The following AKT3 variants were observed in gnomAD, a reference collection of about 807,000 sequenced individuals.
AKT3 encodes RAC-gamma serine/threonine-protein kinase.
In AKT3, 15 loss-of-function variants were observed where a neutral mutation model predicts 65.3. The observed-to-expected ratio is 0.23, with a 90% CI of 0.15 to 0.35. AKT3 has a LOEUF of 0.35. AKT3 is among the 10% of genes least tolerant of loss of function. The pLI is 1.00. For synonymous variants in AKT3, 206 were observed against 183.8 expected (o/e 1.12, Z -0.98); for missense variants, 243 against 576.5 (o/e 0.42, Z 5.92).
At position 243,552,839 on chromosome 1, in the gene AKT3, A is replaced by G; in HGVS notation, c.1053T>C (p.His351=). 1 of 1,614,020 alleles carries G rather than the reference A, an allele frequency of 6.2e-7. No individual in the cohort carries two copies. Among genetic ancestry groups the G allele is most frequent in the Non-Finnish European group, 8.5e-7 (1 of 1,179,942 alleles). Residue 351 remains histidine, a synonymous_variant, in exon 11 of 14, where the codon CAT becomes CAC. Coordinates refer to ENST00000673466, the MANE Select transcript of AKT3 (RefSeq NM_005465.7). ...CGRLPFYNQD[H]EKLFELILME... ...TTAATATTAATTCAAAAAGTTTCTC[A>G]TGGTCCTGGTTGTAGAAAGGTAACC...
chr1:243,743,229 T>G (rs1033207763), intron 2 of AKT3, among the ~76,000 whole-genome samples: 4 of 152,234 alleles, frequency 2.6e-5, no homozygotes, highest in Non-Finnish European at 4.4e-5. Context: ...AACCTAAAAT[T>G]AGGCAGATCA....
intron 2 of AKT3, among the ~76,000 whole-genome samples, chr1:243,805,342 A>C (rs1355315999): frequency 2.0e-5 from 3 of 151,918 alleles, no homozygotes; most frequent in Non-Finnish European, 4.4e-5. Context: ...ACTCCATCTT[A>C]TTCTTTCTCT....
intron 2 of AKT3, among the ~76,000 whole-genome samples, chr1:243,725,770 G>C (rs756075965): frequency 3.3e-5 from 5 of 152,062 alleles, no homozygotes; most frequent in Non-Finnish European, 7.4e-5. Flanking sequence ...GTGGTAACTG[G>C]CTTATATAAT....
chr1:243,605,197 CT>C (rs540680901), intron 8 of AKT3, among the ~76,000 whole-genome samples: 335 of 144,170 alleles, frequency 2.3e-3, no homozygotes, highest in Non-Finnish European at 2.6e-3. Flanking sequence ...ACATGGCTAA[CT>C]TTTTTTTTTT....
At chr1:243,678,004 C>T (rs1558710134) in intron 3 of AKT3, among the ~76,000 whole-genome samples, 1 of 152,036 alleles carries the variant, frequency 6.6e-6, no homozygotes, top group Non-Finnish European at 1.5e-5. Context: ...AGGAGAATTG[C>T]TTGAATCTGG....
chr1:243,581,200 G>T (rs1031231462), intron 8 of AKT3, among the ~76,000 whole-genome samples: 17 of 152,218 alleles, frequency 1.1e-4, no homozygotes, highest in African/African-American at 3.9e-4. Context: ...CAGGGGACCT[G>T]TAGGTGGACC....
At chr1:243,699,299 A>C (rs1444272736) in intron 2 of AKT3, among the ~76,000 whole-genome samples, 2 of 151,688 alleles carry the variant, frequency 1.3e-5, no homozygotes, top group African/African-American at 4.9e-5. Flanking sequence ...GTTAAAATGG[A>C]AAGTCTTGTC....
At chr1:243,568,608 A>G (rs932223399) in intron 9 of AKT3, among the ~76,000 whole-genome samples, 5 of 152,254 alleles carry the variant, frequency 3.3e-5, no homozygotes, top group Middle Eastern at 3.2e-3. Context: ...CTTAGTGGGC[A>G]CAAAATTGTA....
At chr1:243,547,263 T>A (rs1355913410) in intron 11 of AKT3, among the ~76,000 whole-genome samples, 1 of 152,174 alleles carries the variant, frequency 6.6e-6, no homozygotes, top group South Asian at 2.1e-4. Flanking sequence ...ACAGCAGACA[T>A]AACTAATCTC....
intron 2 of AKT3, among the ~76,000 whole-genome samples, chr1:243,787,644 T>C (rs186314440): frequency 2.0e-5 from 3 of 152,328 alleles, no homozygotes; most frequent in Admixed American, 2.0e-4. Flanking sequence ...TTGTTTCTCA[T>C]TTCTTTAGTT....
rs2148466160 is a variant in AKT3 at position 243,552,863 on chromosome 1, C to T, written c.1029G>A (p.Arg343=). 6.2e-7 allele frequency: 1 copy of T among 1,613,988 alleles called. No homozygotes were observed. The highest frequency in any genetic ancestry group is 2.2e-5 in the East Asian group (1 of 44,862). Residue 343 remains arginine, a synonymous_variant, in exon 11 of 14, where the codon AGG becomes AGA. Transcript: ENST00000673466. ...CATGGTCCTGGTTGTAGAAAGGTAACCTCCCACACATCATTTCATACATGA... is the reference window on the plus strand; with the variant it reads ...CATGGTCCTGGTTGTAGAAAGGTAATCTCCCACACATCATTTCATACATGA... ...GVVMYEMMCG[R]LPFYNQDHEK... is the part of the protein sequence containing the mutation.
At chr1:243,771,712 TA>T (rs1188106169) in intron 2 of AKT3, among the ~76,000 whole-genome samples, 1 of 152,088 alleles carries the variant, frequency 6.6e-6, no homozygotes, top group Non-Finnish European at 1.5e-5. Flanking sequence ...CAAGTAAGAC[TA>T]ATCAATGACA....
At chr1:243,760,463 A>G (rs1689420190) in intron 2 of AKT3, among the ~76,000 whole-genome samples, 2 of 151,902 alleles carry the variant, frequency 1.3e-5, no homozygotes, top group Non-Finnish European at 2.9e-5. Context: ...TTCAAATACT[A>G]TGCCCAGCTA....
intron 2 of AKT3, among the ~76,000 whole-genome samples, chr1:243,797,025 T>A (rs566976559): frequency 1.3e-5 from 2 of 152,162 alleles, no homozygotes; most frequent in Admixed American, 1.3e-4. Context: ...TTTCACAACA[T>A]GAAAAAAGTT....
chr1:243,702,578 G>A lies in AKT3; in HGVS notation c.47-6862C>T, dbSNP rs59407204. ...TGATACTAATACTAATACCACTTATGATAATATAATTTATAATCCAACTAC... is the reference window on the plus strand; with the variant it reads ...TGATACTAATACTAATACCACTTATAATAATATAATTTATAATCCAACTAC... On this transcript the variant is annotated intron_variant, in intron 2 of 13. Coordinates refer to ENST00000673466, the MANE Select transcript of AKT3 (RefSeq NM_005465.7). Among the ~76,000 whole-genome samples, 524 of 152,262 alleles carry A rather than the reference G, an allele frequency of 3.4e-3. 2 individuals are homozygous for A. Among genetic ancestry groups the A allele is most frequent in the African/African-American group, 0.012 (496 of 41,554 alleles).
At chr1:243,748,898 C>A (rs946696050) in intron 2 of AKT3, among the ~76,000 whole-genome samples, 1 of 152,112 alleles carries the variant, frequency 6.6e-6, no homozygotes, top group Non-Finnish European at 1.5e-5. Context: ...GTGGCAACTC[C>A]ATTGAAGTAC....
rs1693908182 is a variant in AKT3, at chr1:243,822,415, A to G, written c.46+20710T>C. ...ACCACAAAGCTAGCAGAAGACAAGA[A>G]GTAACCAAGATCAGAGCAGAGCTGA... On this transcript the variant is annotated intron_variant, in intron 2 of 13. Transcript: ENST00000673466. 3.9e-5 allele frequency among the ~76,000 whole-genome samples: 6 copies of G among 151,934 alleles called. No homozygotes were observed. In the South Asian group the frequency reaches 1.3e-3, roughly 32 times the overall value.
At chr1:243,760,520 C>T (rs1572294659) in intron 2 of AKT3, among the ~76,000 whole-genome samples, 1 of 152,028 alleles carries the variant, frequency 6.6e-6, no homozygotes, top group Admixed American at 6.6e-5. Context: ...TGCAAATTCA[C>T]CTACTCACCT....
At chr1:243,826,386 C>G (rs755620308) in intron 2 of AKT3, among the ~76,000 whole-genome samples, 1 of 152,214 alleles carries the variant, frequency 6.6e-6, no homozygotes, top group Admixed American at 6.5e-5. Flanking sequence ...AATTACCAAA[C>G]CCCTTTACTC....
Sources: allele counts gnomAD v4.1 joint callset (sites outside exome capture counted in the v4.1 genomes callset), GRCh38; gene constraint gnomAD v4.1.1; transcripts MANE v1.5; gene names NCBI Gene and HGNC (gene_info 2026-07-23, HGNC 2026-07-21).